Variants in FMN1 observed in about 807,000 individuals in gnomAD.
FMN1 encodes formin-1.
A neutral mutation model predicts 132.4 loss-of-function variants in FMN1; 110 were observed. The ratio of observed to expected loss-of-function variants is 0.83; its 90% confidence interval spans 0.71 to 0.97. FMN1 has a LOEUF of 0.97. FMN1 is among the 50% of genes least tolerant of loss of function. The pLI is 0.00. For synonymous variants in FMN1, 722 were observed against 651.7 expected, an observed-to-expected ratio of 1.11 and a Z score of -1.64; for missense variants, 1,792 against 1,705.3, an observed-to-expected ratio of 1.05 and a Z score of -0.90.
intron 4 of FMN1, among the ~76,000 whole-genome samples, chr15:33,108,476 T>A (rs1459008999): frequency 6.6e-6 from 1 of 152,020 alleles, no homozygotes; most frequent in African/African-American, 2.4e-5. Context: ...AAAAACAGCT[T>A]AAGTTATTAG....
At chr15:32,999,846 C>A (rs1455078640) in intron 7 of FMN1, among the ~76,000 whole-genome samples, 5 of 152,192 alleles carry the variant, frequency 3.3e-5, no homozygotes. Flanking sequence ...ACAAGCCAGA[C>A]AAAGGGCATG....
At chr15:32,910,359 A>T (rs1044971519) in intron 11 of FMN1, 115 bp downstream of exon 11, 1 of 792,734 alleles carries the variant, frequency 1.3e-6, no homozygotes, top group Non-Finnish European at 2.1e-6. Flanking sequence ...TCTATGCCTT[A>T]ATCTCTTCCA....
intron 4 of FMN1, among the ~76,000 whole-genome samples, chr15:33,095,846 T>G (rs547403905): frequency 6.6e-6 from 1 of 152,268 alleles, no homozygotes; most frequent in South Asian, 2.1e-4. Flanking sequence ...CTGGTTGTCT[T>G]AATAGCTAAG....
chr15:33,123,001 G>A (rs1435339154), intron 4 of FMN1, among the ~76,000 whole-genome samples: 2 of 151,698 alleles, frequency 1.3e-5, no homozygotes, highest in Admixed American at 6.6e-5. Flanking sequence ...AAAAAGACAG[G>A]CCGAGAGAGG....
chr15:33,004,635 C>T (rs2034310896), intron 7 of FMN1, among the ~76,000 whole-genome samples: 1 of 152,174 alleles, frequency 6.6e-6, no homozygotes, highest in Non-Finnish European at 1.5e-5. Flanking sequence ...TGTGGCGATT[C>T]CTCAGGGATC....
intron 6 of FMN1, among the ~76,000 whole-genome samples, chr15:33,048,663 G>C (rs568719343): frequency 2.9e-5 from 1 of 34,720 alleles, no homozygotes. Flanking sequence ...ACAGTTTAAT[G>C]GACTTACAGT....
intron 16 of FMN1, among the ~76,000 whole-genome samples, chr15:32,876,018 C>A (rs2059628563): frequency 6.6e-6 from 1 of 152,008 alleles, no homozygotes; most frequent in Non-Finnish European, 1.5e-5. Flanking sequence ...GCACCATAGG[C>A]AGGTAAAGTA....
chr15:33,157,406 G>A (rs1032744902), intron 3 of FMN1, among the ~76,000 whole-genome samples: 1 of 152,012 alleles, frequency 6.6e-6, no homozygotes, highest in Non-Finnish European at 1.5e-5. Flanking sequence ...TTTTCATTTT[G>A]TTATCTCATG....
chr15:32,922,394 G>T (rs376356518), intron 10 of FMN1, among the ~76,000 whole-genome samples: 4 of 152,196 alleles, frequency 2.6e-5, no homozygotes, highest in Non-Finnish European at 5.9e-5. Context: ...CATTAGCCCA[G>T]TTATTTGCAA....
At chr15:32,951,820 A>C (rs1354644000) in intron 9 of FMN1, among the ~76,000 whole-genome samples, 2 of 152,230 alleles carry the variant, frequency 1.3e-5, no homozygotes, top group Non-Finnish European at 2.9e-5. Flanking sequence ...ATGATGACTC[A>C]GCCAGGCCTG....
At chr15:33,181,047 G>A (rs918101962) in intron 2 of FMN1, among the ~76,000 whole-genome samples, 8 of 152,052 alleles carry the variant, frequency 5.3e-5, no homozygotes, top group African/African-American at 1.7e-4. Context: ...CACCATGCCC[G>A]GCCTCTCCTG....
At chr15:33,099,584 T>C (rs1047371852) in intron 4 of FMN1, among the ~76,000 whole-genome samples, 1 of 152,164 alleles carries the variant, frequency 6.6e-6, no homozygotes, top group Admixed American at 6.6e-5. Flanking sequence ...AAGAAGACAG[T>C]GATGGTACAG....
At chr15:32,892,004 G>GT (rs1001190523) in intron 15 of FMN1, among the ~76,000 whole-genome samples, 1 of 152,128 alleles carries the variant, frequency 6.6e-6, no homozygotes, top group Admixed American at 6.5e-5. Flanking sequence ...TCAGCAAACA[G>GT]TGACAGTTTG....
chr15:33,187,104 C>G (rs1025181803), intron 2 of FMN1, among the ~76,000 whole-genome samples: 1 of 152,164 alleles, frequency 6.6e-6, no homozygotes, highest in Non-Finnish European at 1.5e-5. Context: ...AGGCAGACAT[C>G]CCCAATTGCT....
intron 3 of FMN1, among the ~76,000 whole-genome samples, chr15:33,169,614 G>A (rs939682218): frequency 6.6e-6 from 1 of 151,926 alleles, no homozygotes; most frequent in South Asian, 2.1e-4. Flanking sequence ...CATTGTTTAC[G>A]GCAAATTTCA....
At chr15:32,852,887 A>G (rs2059041843) in intron 17 of FMN1, among the ~76,000 whole-genome samples, 1 of 152,072 alleles carries the variant, frequency 6.6e-6, no homozygotes, top group South Asian at 2.1e-4. Flanking sequence ...GACTCTTATC[A>G]CCGTTTTGGT....
At chr15:32,841,050 G>A (rs2058735785) in intron 17 of FMN1, among the ~76,000 whole-genome samples, 1 of 152,148 alleles carries the variant, frequency 6.6e-6, no homozygotes, top group Admixed American at 6.5e-5. Context: ...CCAGCCAGTG[G>A]TTTTCTTTAT....
At chr15:33,052,916 C>A (rs2037044640) in intron 6 of FMN1, among the ~76,000 whole-genome samples, 1 of 152,120 alleles carries the variant, frequency 6.6e-6, no homozygotes, top group Non-Finnish European at 1.5e-5. Flanking sequence ...AATCAGCATG[C>A]ACTACCCATT....
intron 4 of FMN1, among the ~76,000 whole-genome samples, chr15:33,132,375 G>C (rs549850827): frequency 1.3e-5 from 2 of 152,264 alleles, no homozygotes; most frequent in South Asian, 2.1e-4. Flanking sequence ...GAATCAGCTA[G>C]TCTTTCTCAG....
Sources: allele counts gnomAD v4.1 joint callset (sites outside exome capture counted in the v4.1 genomes callset), GRCh38; gene constraint gnomAD v4.1.1; transcripts MANE v1.5; gene names NCBI Gene and HGNC (gene_info 2026-07-23, HGNC 2026-07-21).